PTPRD: variants seen among roughly 807,000 people sequenced by gnomAD.
PTPRD encodes the protein receptor-type tyrosine-protein phosphatase delta.
A neutral mutation model predicts 214.5 loss-of-function variants in PTPRD; 34 were observed. That is an observed-to-expected ratio of 0.16 (90% CI 0.12 to 0.21). The LOEUF is 0.21. Among genes scored for constraint, PTPRD ranks in the 10% least tolerant of loss-of-function variants. PTPRD has a pLI of 1.00. For missense variants in PTPRD, 2,545 were observed against 2,398.7 expected (o/e 1.06, Z -1.27); for synonymous variants, 1,128 against 845.7 (o/e 1.33, Z -5.79).
chr9:9,474,506 T>C (rs2094878426), intron 8 of PTPRD, among the ~76,000 whole-genome samples: 2 of 152,122 alleles, frequency 1.3e-5, no homozygotes, highest in Non-Finnish European at 2.9e-5. Context: ...ATAGGGATTG[T>C]ATTAAATCTA....
intron 3 of PTPRD, among the ~76,000 whole-genome samples, chr9:10,099,419 C>G (rs938381621): frequency 6.6e-6 from 1 of 151,686 alleles, no homozygotes. Context: ...AAATTAAATA[C>G]TGCACTACTA....
chr9:10,379,478 C>T (rs939966539), intron 2 of PTPRD, among the ~76,000 whole-genome samples: 5 of 151,784 alleles, frequency 3.3e-5, no homozygotes, highest in Admixed American at 3.3e-4. Flanking sequence ...ATGGATAATT[C>T]CTGAGGTTCA....
chr9:8,972,177 C>T (rs1036956411), intron 11 of PTPRD, among the ~76,000 whole-genome samples: 2 of 151,760 alleles, frequency 1.3e-5, no homozygotes, highest in African/African-American at 4.8e-5. Flanking sequence ...TTACCATATG[C>T]GTTCTTGATA....
At chr9:9,075,681 A>C (rs2154415350) in intron 10 of PTPRD, among the ~76,000 whole-genome samples, 1 of 151,754 alleles carries the variant, frequency 6.6e-6, no homozygotes, top group African/African-American at 2.4e-5. Context: ...TGTCCTTGTG[A>C]TGGTTTGCTT....
At chr9:10,191,266 G>A (rs1162241420) in intron 3 of PTPRD, among the ~76,000 whole-genome samples, 1 of 151,798 alleles carries the variant, frequency 6.6e-6, no homozygotes, top group Non-Finnish European at 1.5e-5. Context: ...TAATATCAGT[G>A]AATCAATTTC....
intron 5 of PTPRD, among the ~76,000 whole-genome samples, chr9:9,876,961 A>C (rs535852051): frequency 6.6e-6 from 1 of 152,186 alleles, no homozygotes; most frequent in African/African-American, 2.4e-5. Context: ...AGAAAACATA[A>C]GTTGCCTGTA....
intron 8 of PTPRD, among the ~76,000 whole-genome samples, chr9:9,547,014 C>G (rs1399482087): frequency 6.6e-6 from 1 of 151,470 alleles, no homozygotes; most frequent in South Asian, 2.1e-4. Flanking sequence ...AAAATAAAAC[C>G]TAATAGAGCA....
At chr9:8,353,864 A>ATG (rs2076226249) in intron 39 of PTPRD, among the ~76,000 whole-genome samples, 1 of 102,936 alleles carries the variant, frequency 9.7e-6, no homozygotes, top group African/African-American at 5.1e-5. Flanking sequence ...ATGTGTATAT[A>ATG]TGTATATATG....
At chr9:9,357,530 C>A (rs1297409613) in intron 9 of PTPRD, among the ~76,000 whole-genome samples, 1 of 151,090 alleles carries the variant, frequency 6.6e-6, no homozygotes, top group Non-Finnish European at 1.5e-5. Flanking sequence ...GGTCCCTTTG[C>A]AGCTTTCAGA....
intron 7 of PTPRD, among the ~76,000 whole-genome samples, chr9:9,599,690 T>C (rs2154336286): frequency 6.6e-6 from 1 of 152,240 alleles, no homozygotes; most frequent in Middle Eastern, 3.4e-3. Context: ...TTCATATTTC[T>C]AAAATTCTAA....
chr9:10,549,372 A>C (rs1026562060), intron 2 of PTPRD, among the ~76,000 whole-genome samples: 2 of 152,172 alleles, frequency 1.3e-5, no homozygotes, highest in Non-Finnish European at 2.9e-5. Flanking sequence ...TTTTAACTAA[A>C]GGAAAAAAGG....
rs374645386 is a variant in PTPRD at position 8,814,047 on chromosome 9, G to A, written c.-103-80101C>T. Among the ~76,000 whole-genome samples, 81 of 152,318 alleles carry A rather than the reference G, an allele frequency of 5.3e-4. No homozygotes were observed. The South Asian group carries it at 0.017, about 32-fold the overall frequency. ...TTGCCAGGCATGGGCCATGGATTCT[G>A]CACCTTGGTATCTCCCCAGAGCACA... On this transcript the variant is annotated intron_variant, in intron 11 of 45. Coordinates refer to ENST00000381196, the MANE Select transcript of PTPRD (RefSeq NM_002839.4).
intron 36 of PTPRD, among the ~76,000 whole-genome samples, chr9:8,396,562 A>G (rs1031953240): frequency 2.0e-5 from 3 of 152,164 alleles, no homozygotes; most frequent in Non-Finnish European, 4.4e-5. Flanking sequence ...AGAGATAAAA[A>G]TAAACTCACT....
chr9:8,678,922 A>C (rs2137346), intron 12 of PTPRD, among the ~76,000 whole-genome samples: 13,550 of 152,292 alleles, frequency 0.089, 759 homozygotes, highest in South Asian at 0.13. Context: ...GTAAAGAATA[A>C]AATGTTTCAT....
At chr9:10,205,971 A>G (rs1358579943) in intron 3 of PTPRD, among the ~76,000 whole-genome samples, 1 of 151,580 alleles carries the variant, frequency 6.6e-6, no homozygotes, top group East Asian at 1.9e-4. Flanking sequence ...GCTCACAATG[A>G]GCTTTTAATC....
chr9:9,227,712 C>G (rs1569564778), intron 9 of PTPRD, among the ~76,000 whole-genome samples: 1 of 152,100 alleles, frequency 6.6e-6, no homozygotes, highest in Non-Finnish European at 1.5e-5. Context: ...AAGCAGCCCA[C>G]ATGGTAGGAA....
At chr9:9,038,730 T>G (rs2099630064) in intron 10 of PTPRD, among the ~76,000 whole-genome samples, 1 of 152,012 alleles carries the variant, frequency 6.6e-6, no homozygotes, top group Admixed American at 6.6e-5. Context: ...AATTTTTTTG[T>G]ATTTTTAGTA....
At chr9:9,654,730 T>C (rs1019446430) in intron 7 of PTPRD, among the ~76,000 whole-genome samples, 7 of 152,198 alleles carry the variant, frequency 4.6e-5, no homozygotes, top group Non-Finnish European at 1.0e-4. Context: ...AAGCAAGACA[T>C]TGTCAATTGA....
At chr9:9,961,329 G>C (rs2094349861) in intron 4 of PTPRD, among the ~76,000 whole-genome samples, 1 of 152,102 alleles carries the variant, frequency 6.6e-6, no homozygotes, top group Non-Finnish European at 1.5e-5. Flanking sequence ...TCTGTTCCTT[G>C]TTTGAGAAAC....
Sources: allele counts gnomAD v4.1 joint callset (sites outside exome capture counted in the v4.1 genomes callset), GRCh38; gene constraint gnomAD v4.1.1; transcripts MANE v1.5; gene names NCBI Gene and HGNC (gene_info 2026-07-23, HGNC 2026-07-21).